PRKD1: variants seen among roughly 807,000 people sequenced by gnomAD.
PRKD1 encodes protein kinase D1.
A neutral mutation model predicts 95.9 loss-of-function variants in PRKD1; 63 were observed. The ratio of observed to expected loss-of-function variants is 0.66; its 90% CI spans 0.54 to 0.81. The LOEUF (loss-of-function observed/expected upper bound fraction) is 0.81. Ranked by LOEUF, PRKD1 falls within the 30% of genes least tolerant of loss-of-function variation. The probability of loss-of-function intolerance (pLI) is 0.00; values close to 1 mark genes in which losing one functional copy is unlikely to be tolerated. For missense variants in PRKD1, 1,048 were observed against 1,165.3 expected, an observed-to-expected ratio of 0.90 and a Z score of 1.47; for synonymous variants, 425 against 423.1, an observed-to-expected ratio of 1.00 and a Z score of -0.05.
intron 16 of PRKD1, among the ~76,000 whole-genome samples, chr14:29,580,030 G>A (rs982318769): frequency 6.6e-6 from 1 of 152,172 alleles, no homozygotes; most frequent in Non-Finnish European, 1.5e-5. Context: ...GGAGGACAAG[G>A]AGTGAAGGGA....
At chr14:29,918,377 TAAAAGA>T (rs1414376240) in intron 1 of PRKD1, among the ~76,000 whole-genome samples, 1 of 151,936 alleles carries the variant, frequency 6.6e-6, no homozygotes, top group Non-Finnish European at 1.5e-5. Flanking sequence ...TACAAAAATG[TAAAAGA>T]AAAACACTTA....
chr14:29,769,129 G>T (rs951720212), intron 1 of PRKD1, among the ~76,000 whole-genome samples: 4 of 152,148 alleles, frequency 2.6e-5, no homozygotes, highest in Non-Finnish European at 5.9e-5. Context: ...AAGTTAAAAA[G>T]ACAGACATAC....
chr14:29,645,577 C>T (rs1337460670), intron 4 of PRKD1, among the ~76,000 whole-genome samples: 2 of 152,092 alleles, frequency 1.3e-5, no homozygotes, highest in Admixed American at 6.6e-5. Context: ...CTATTGCCAT[C>T]GAGATGGATC....
intron 13 of PRKD1, among the ~76,000 whole-genome samples, chr14:29,621,555 G>A (rs1879269272): frequency 1.3e-5 from 2 of 151,894 alleles, no homozygotes; most frequent in Admixed American, 1.3e-4. Context: ...ATGAACTACT[G>A]AACCTATTAT....
intron 1 of PRKD1, among the ~76,000 whole-genome samples, chr14:29,897,478 G>C (rs1457495509): frequency 6.6e-6 from 1 of 152,096 alleles, no homozygotes; most frequent in Non-Finnish European, 1.5e-5. Flanking sequence ...CTGTGATCCA[G>C]TGGAAAAGCA....
At chr14:29,886,818 G>T (rs1893723653) in intron 1 of PRKD1, among the ~76,000 whole-genome samples, 1 of 152,162 alleles carries the variant, frequency 6.6e-6, no homozygotes, top group South Asian at 2.1e-4. Flanking sequence ...CAATTATTTT[G>T]TTAATTCTAT....
chr14:29,589,212 C>T (rs1371530121), intron 16 of PRKD1, among the ~76,000 whole-genome samples: 1 of 152,130 alleles, frequency 6.6e-6, no homozygotes, highest in African/African-American at 2.4e-5. Context: ...TGGAAATGTA[C>T]TATGACGCTA....
intron 13 of PRKD1, among the ~76,000 whole-genome samples, chr14:29,619,168 T>G (rs1403837765): frequency 6.9e-6 from 1 of 144,744 alleles, no homozygotes; most frequent in African/African-American, 2.6e-5. Context: ...ATCACGGTAC[T>G]TTTTTTTTTT....
intron 1 of PRKD1, among the ~76,000 whole-genome samples, chr14:29,826,025 T>C (rs139838398): frequency 0.011 from 1,650 of 151,756 alleles, 35 homozygotes; most frequent in African/African-American, 0.038. Context: ...TGCATGTTTA[T>C]AGTAGCACAA....
At chr14:29,899,291 T>C (rs1273993300) in intron 1 of PRKD1, among the ~76,000 whole-genome samples, 1 of 152,184 alleles carries the variant, frequency 6.6e-6, no homozygotes, top group East Asian at 1.9e-4. Flanking sequence ...TCAAACCTTG[T>C]CAAAAAAACA....
At chr14:29,798,186 T>C (rs1481824680) in intron 1 of PRKD1, among the ~76,000 whole-genome samples, 1 of 152,238 alleles carries the variant, frequency 6.6e-6, no homozygotes, top group Non-Finnish European at 1.5e-5. Context: ...CAGACATGTC[T>C]GAAATGAAAA....
chr14:29,791,470 C>G (rs1018302155), intron 1 of PRKD1, among the ~76,000 whole-genome samples: 3 of 152,148 alleles, frequency 2.0e-5, no homozygotes, highest in African/African-American at 7.2e-5. Flanking sequence ...CCTCCGTACT[C>G]TCTCCCTTAG....
intron 2 of PRKD1, among the ~76,000 whole-genome samples, chr14:29,682,485 A>G (rs1243698447): frequency 1.3e-5 from 2 of 152,178 alleles, no homozygotes; most frequent in Admixed American, 6.5e-5. Flanking sequence ...CCTTCATGTA[A>G]TTGTACCAGA....
At chr14:29,921,446 G>A (rs1324054042) in intron 1 of PRKD1, among the ~76,000 whole-genome samples, 1 of 151,854 alleles carries the variant, frequency 6.6e-6, no homozygotes, top group Non-Finnish European at 1.5e-5. Flanking sequence ...CTAGTCTATA[G>A]AGCTTTAAGC....
chr14:29,582,335 T>C (rs1892780611), intron 16 of PRKD1, among the ~76,000 whole-genome samples: 1 of 151,338 alleles, frequency 6.6e-6, no homozygotes, highest in African/African-American at 2.5e-5. Context: ...TCTACTTGTC[T>C]TAAATACCTT....
At chr14:29,639,643 T>A (rs911439829) in intron 4 of PRKD1, among the ~76,000 whole-genome samples, 3 of 146,952 alleles carry the variant, frequency 2.0e-5, no homozygotes, top group Admixed American at 6.8e-5. Context: ...AAATAAATAA[T>A]AAAAGAAAAA....
chr14:29,761,081 C>T (rs1041731020), intron 1 of PRKD1, among the ~76,000 whole-genome samples: 4 of 152,160 alleles, frequency 2.6e-5, no homozygotes, highest in Non-Finnish European at 4.4e-5. Context: ...GCTAGGGCTA[C>T]AAGTACATAC....
chr14:29,911,672 T>A (rs1231365198), intron 1 of PRKD1, among the ~76,000 whole-genome samples: 1 of 152,218 alleles, frequency 6.6e-6, no homozygotes, highest in Admixed American at 6.5e-5. Flanking sequence ...TCACCTTTTC[T>A]GCAATGAGTG....
In PRKD1 at chr14:29,669,323, A is replaced by G. The variant is rs143715690; in HGVS notation, c.404-3115T>C. On this transcript the variant is annotated intron_variant, in intron 2 of 17. Coordinates refer to ENST00000331968, the MANE Select transcript of PRKD1 (RefSeq NM_002742.3). Reference sequence around the variant, plus strand: ...TTACAAAAGTCAGTGGTAATGATGCATAGGTGAGCTAAACGCCAACTGGAG... The same window carrying G: ...TTACAAAAGTCAGTGGTAATGATGCGTAGGTGAGCTAAACGCCAACTGGAG... Among the ~76,000 whole-genome samples the G allele has an allele frequency of 2.2e-4, 34 of 152,350 alleles. No individual in the cohort carries two copies. In the East Asian group the frequency reaches 4.8e-3, roughly 22 times the overall value.
Sources: allele counts gnomAD v4.1 joint callset (sites outside exome capture counted in the v4.1 genomes callset), GRCh38; gene constraint gnomAD v4.1.1; transcripts MANE v1.5; gene names NCBI Gene and HGNC (gene_info 2026-07-23, HGNC 2026-07-21).